ZNF207: variants seen among roughly 807,000 people sequenced by gnomAD.
ZNF207 encodes the protein BUB3-interacting and GLEBS motif-containing protein ZNF207.
In ZNF207, 24 loss-of-function variants were observed where a neutral mutation model predicts 60.2. That is an observed-to-expected ratio of 0.40 (90% CI 0.29 to 0.56). The LOEUF (loss-of-function observed/expected upper bound fraction) is 0.56. ZNF207 is among the 20% of genes least tolerant of loss of function. ZNF207 has a pLI of 0.49. For missense variants in ZNF207, 452 were observed against 636.6 expected (o/e 0.71, Z 3.12); for synonymous variants, 236 against 194.7 (o/e 1.21, Z -1.77).
rs1905542808 is a variant in ZNF207, at chr17:32,373,182, A to G, written c.*3423A>G. The G allele has an allele frequency of 2.4e-6, 1 of 422,854 alleles. No homozygotes were observed. Among genetic ancestry groups the G allele is most frequent in the Non-Finnish European group, 4.2e-6 (1 of 238,526 alleles). The allele number at this position is 422,854 out of a possible 1,614,324, so 26.2% of individuals were successfully genotyped here. On this transcript the variant is annotated 3_prime_UTR_variant, in exon 12 of 12. Transcript: ENST00000394670. The stretch of plus-strand genomic sequence containing the variant: ...CCACTAAGTTACATTTTGAACTTAG[A>G]CTCACCTTAATTAAACTTAATTAAT...
At chr17:32,354,619 C>CT (rs796325458) in intron 2 of ZNF207, among the ~76,000 whole-genome samples, 228 of 144,436 alleles carry the variant, frequency 1.6e-3, no homozygotes, top group Middle Eastern at 3.7e-3. Flanking sequence ...CTCTATTAGA[C>CT]TTTTTTTTTT....
rs1203705696 is a variant in ZNF207, at chr17:32,370,594, G to A, written c.*835G>A. On this transcript the variant is annotated 3_prime_UTR_variant, in exon 12 of 12. Transcript: ENST00000394670. Reference sequence around the variant, plus strand: ...ACATGAGTCATTACATAATGGGTATGAAATCTTTATAATCACCCTTCCACC... The same window carrying A: ...ACATGAGTCATTACATAATGGGTATAAAATCTTTATAATCACCCTTCCACC... 1 of 152,230 alleles carries A rather than the reference G, an allele frequency of 6.6e-6. No homozygotes were observed. Among genetic ancestry groups the A allele is most frequent in the African/African-American group, 2.4e-5 (1 of 41,456 alleles). 9.4% of individuals were successfully genotyped at this position (152,230 alleles called of 1,614,324 possible).
At position 32,381,198 on chromosome 17, in the gene ZNF207, C is replaced by A. The variant is rs972025774; in HGVS notation, c.*11439C>A. ...TGCAAAGGTTAGTAAAGGGACCTGT[C>A]TGTCAGGTCAATCTTCGGTCTTCAC... is the stretch of plus-strand genomic sequence containing the variant. On this transcript the variant is annotated 3_prime_UTR_variant, in exon 12 of 12. Coordinates refer to ENST00000394670, the MANE Select transcript of ZNF207 (RefSeq NM_001098507.2). 1 of 152,166 alleles carries A rather than the reference C, an allele frequency of 6.6e-6. No individual in the cohort carries two copies. The highest frequency in any genetic ancestry group is 1.5e-5 in the Non-Finnish European group (1 of 68,032). The allele number at this position is 152,166 out of a possible 1,614,324, so 9.4% of individuals were successfully genotyped here.
At chr17:32,363,090 G>C (rs1317834909) in intron 7 of ZNF207, 106 bp downstream of exon 7, 19 of 997,932 alleles carry the variant, frequency 1.9e-5, no homozygotes, top group Admixed American at 5.9e-5. Flanking sequence ...ATTTTTGAAA[G>C]TTGCAAGTTC....
intron 6 of ZNF207, 110 bp from the exon 7 acceptor site, chr17:32,362,804 G>T: frequency 2.8e-6 from 2 of 721,382 alleles, no homozygotes; most frequent in East Asian, 2.8e-5. Context: ...AGTATTAGAG[G>T]TCAGATTCAA....
chr17:32,361,301 T>G, intron 5 of ZNF207, 167 bp from the exon 6 acceptor site: 5 of 591,316 alleles, frequency 8.5e-6, no homozygotes, highest in Non-Finnish European at 1.4e-5. Flanking sequence ...GCAGAGAAAC[T>G]CTGTAAATGA....
Position 32,376,665 on chromosome 17 carries a change from A to G in ZNF207, c.*6906A>G, listed in dbSNP as rs1567832713. ...TCCTATTTGAAGCAAATTGAACACT[A>G]TTATAAATCTAGACTGGCTAATTAG... On this transcript the variant is annotated 3_prime_UTR_variant, in exon 12 of 12. Coordinates refer to ENST00000394670, the MANE Select transcript of ZNF207 (RefSeq NM_001098507.2). 6.6e-6 allele frequency: 1 copy of G among 152,080 alleles called. No homozygotes were observed. Among genetic ancestry groups the G allele is most frequent in the Admixed American group, 6.5e-5 (1 of 15,276 alleles). The allele number at this position is 152,080 out of a possible 1,614,324, so 9.4% of individuals were successfully genotyped here. A position where few individuals can be genotyped will look rare whatever the true frequency, so the allele number is the denominator to read the frequency against.
rs577271055 is a variant in ZNF207, at chr17:32,371,198, T to C, written c.*1439T>C. On this transcript the variant is annotated 3_prime_UTR_variant, in exon 12 of 12. Coordinates refer to ENST00000394670, the MANE Select transcript of ZNF207 (RefSeq NM_001098507.2). ...AAATAACCTATGCAAAGTATTAATA[T>C]AATGAACTCAAGTTGAGTTTTTCTC... is the stretch of plus-strand genomic sequence containing the variant. 2 of 152,336 alleles carry C rather than the reference T, an allele frequency of 1.3e-5. No homozygotes were observed. The highest frequency in any genetic ancestry group is 2.1e-4 in the South Asian group (1 of 4,830). 9.4% of individuals were successfully genotyped at this position (152,336 alleles called of 1,614,324 possible).
At position 32,381,193 on chromosome 17, in the gene ZNF207, CCTGT is replaced by C. The variant is rs1362269145; in HGVS notation, c.*11440_*11443del. On this transcript the variant is annotated 3_prime_UTR_variant, in exon 12 of 12. Transcript: ENST00000394670. ...AAGATTGCAAAGGTTAGTAAAGGGA[CCTGT>C]CTGTCAGGTCAATCTTCGGTCTTCA... 1 of 152,120 alleles carries C rather than the reference CCTGT, an allele frequency of 6.6e-6. No individual in the cohort carries two copies. The highest frequency in any genetic ancestry group is 1.5e-5 in the Non-Finnish European group (1 of 68,026). 9.4% of individuals were successfully genotyped at this position (152,120 alleles called of 1,614,324 possible). A position where few individuals can be genotyped will look rare whatever the true frequency, so the allele number is the denominator to read the frequency against.
Position 32,367,879 on chromosome 17 carries a change from G to C in ZNF207, c.1029G>C (p.Gln343His). 1.2e-6 allele frequency: 2 copies of C among 1,614,124 alleles called. No individual in the cohort carries two copies. Among genetic ancestry groups the C allele is most frequent in the Non-Finnish European group, 1.7e-6 (2 of 1,180,028 alleles). The change falls in exon 10 of 12, where the codon CAG becomes CAC. Residue 343 changes from glutamine to histidine, a missense_variant. Around this residue, in one of 2 missense-constraint regions of ZNF207, gnomAD observed 390 missense variants for 461.4 expected, o/e 0.85. Coordinates refer to ENST00000394670, the MANE Select transcript of ZNF207 (RefSeq NM_001098507.2). ...AGCCTACATTCCCTGCTTATACACA[G>C]TCTACAGCTTCAACAACTAGTACAA... ...PPKPTFPAYT[Q>H]STASTTSTTN...
At chr17:32,367,255 AT>A (rs1905220292) in intron 9 of ZNF207, among the ~76,000 whole-genome samples, 8 of 70,928 alleles carry the variant, frequency 1.1e-4, no homozygotes, top group Non-Finnish European at 1.9e-4. Context: ...ATATATATAT[AT>A]ATATATATAT....
chr17:32,374,354 A>C lies in ZNF207; in HGVS notation c.*4595A>C, dbSNP rs1338821079. 6.6e-6 allele frequency: 1 copy of C among 150,462 alleles called. No individual in the cohort carries two copies. The highest frequency in any genetic ancestry group is 2.0e-4 in the East Asian group (1 of 5,108). 9.3% of individuals were successfully genotyped at this position (150,462 alleles called of 1,614,324 possible). On this transcript the variant is annotated 3_prime_UTR_variant, in exon 12 of 12. Coordinates refer to ENST00000394670, the MANE Select transcript of ZNF207 (RefSeq NM_001098507.2). Reference sequence around the variant, plus strand: ...TGTCTCAGCCTCCCGAGTAGCTGGGACTACAGGTGCTTGCCACCACACCCG... The same window carrying C: ...TGTCTCAGCCTCCCGAGTAGCTGGGCCTACAGGTGCTTGCCACCACACCCG...
At chr17:32,351,971 A>G (rs2041515855) in intron 2 of ZNF207, 59 bp downstream of exon 2, 2 of 1,456,136 alleles carry the variant, frequency 1.4e-6, no homozygotes, top group Middle Eastern at 1.9e-4. Context: ...ACTTGAAAGA[A>G]TAATCTTTTT....
rs1486337844 is a variant in ZNF207 at position 32,376,372 on chromosome 17, G to A, written c.*6613G>A. The A allele has an allele frequency of 6.6e-6, 1 of 151,818 alleles. No homozygotes were observed. 9.4% of individuals were successfully genotyped at this position (151,818 alleles called of 1,614,324 possible). On this transcript the variant is annotated 3_prime_UTR_variant, in exon 12 of 12. Transcript: ENST00000394670. The stretch of plus-strand genomic sequence containing the variant: ...TCAGTAAGATAATTGCTTTTAATAA[G>A]TATATTTTTCTTGCTCTTGGCTCTA...
Position 32,368,160 on chromosome 17 carries a change from TAAG to T in ZNF207, c.1164+149_1164+151del, listed in dbSNP as rs1458389147. 7.8e-6 allele frequency: 9 copies of T among 1,148,260 alleles called. No homozygotes were observed. The African/African-American group carries it at 1.3e-4, about 16-fold the overall frequency. The allele number at this position is 1,148,260 out of a possible 1,614,324, so 71.1% of individuals were successfully genotyped here. ...AAGTGGTTTTTGCCATTCTGATTCT[TAAG>T]AAATCATAAAATACTTAAAGTGGAC... On this transcript the variant is annotated intron_variant, in intron 10 of 11. Coordinates refer to ENST00000394670, the MANE Select transcript of ZNF207 (RefSeq NM_001098507.2).
In ZNF207 at chr17:32,373,690, T is replaced by G. The variant is rs1048513781; in HGVS notation, c.*3931T>G. 5.8e-6 allele frequency: 2 copies of G among 344,032 alleles called. No individual in the cohort carries two copies. The highest frequency in any genetic ancestry group is 1.0e-5 in the Non-Finnish European group (2 of 193,956). 21.3% of individuals were successfully genotyped at this position (344,032 alleles called of 1,614,324 possible). A position where few individuals can be genotyped will look rare whatever the true frequency, so the allele number is the denominator to read the frequency against. ...TGTAATTTGCTGTGTGTTACATAAT[T>G]AACAGCTTCAGTAAAGCTTGTGTTC... On this transcript the variant is annotated 3_prime_UTR_variant, in exon 12 of 12. Coordinates refer to ENST00000394670, the MANE Select transcript of ZNF207 (RefSeq NM_001098507.2).
At chr17:32,351,123 A>C (rs2150784879) in intron 1 of ZNF207, 1 of 161,258 alleles carries the variant, frequency 6.2e-6, no homozygotes, top group South Asian at 1.6e-4. Context: ...AGTTTTAAAA[A>C]TAGCTTAAAT....
chr17:32,362,764 T>C, intron 6 of ZNF207, 150 bp from the exon 7 acceptor site: 1 of 575,570 alleles, frequency 1.7e-6, no homozygotes, highest in Non-Finnish European at 3.0e-6. Context: ...TTACAGTGTG[T>C]TGTGTGTTCT....
chr17:32,357,813 GT>G (rs1222490235), intron 2 of ZNF207, among the ~76,000 whole-genome samples: 1 of 149,914 alleles, frequency 6.7e-6, no homozygotes, highest in Non-Finnish European at 1.5e-5. Context: ...TTTTTTTTTT[GT>G]TTTTTTTGAG....
Sources: gnomAD v4.1 joint callset for allele counts (sites outside exome capture counted in the v4.1 genomes callset) on GRCh38, gnomAD v4.1.1 for gene constraint, gnomAD v4.1.1 regional missense constraint, MANE v1.5 for transcripts, NCBI Gene and HGNC (gene_info 2026-07-23, HGNC 2026-07-21) for gene names.